The following KLHDC7B variants were observed in gnomAD, a reference collection of about 807,000 sequenced individuals.
KLHDC7B encodes kelch domain-containing protein 7B.
KLHDC7B carries 1 observed loss-of-function variant against 0.6 expected under a neutral mutation model. The observed-to-expected ratio is 1.71, with a 90% CI of 0.61 to 8.11. The LOEUF (loss-of-function observed/expected upper bound fraction) is 8.11, where lower values mean the gene tolerates loss of function less well. Ranked by LOEUF, KLHDC7B falls within the 30% of genes most tolerant of loss-of-function variation. The pLI is 0.13. For missense variants in KLHDC7B, 993 were observed against 894.9 expected (o/e 1.11, Z -1.40); for synonymous variants, 462 against 405.2 (o/e 1.14, Z -1.68).
chr22:50,549,754 G>GCCCCCCCCCC lies in KLHDC7B; in HGVS notation c.1592_1593insCCCCCCCCCC (p.Leu532ProfsTer59). On this transcript the variant is annotated frameshift_variant, in exon 1 of 1. Transcript: ENST00000395676. LOFTEE classifies it low-confidence loss of function (END_TRUNC). ...TGCCTCCCTGCCCCTGCCCGCCCCCGCCCCACTGCACTGCACCACCCTGGG... is the reference window on the plus strand; with the variant it reads ...TGCCTCCCTGCCCCTGCCCGCCCCCGCCCCCCCCCCCCCCACTGCACTGCACCACCCTGGG... 9.2e-7 allele frequency: 1 copy of GCCCCCCCCCC among 1,087,076 alleles called. No individual in the cohort carries two copies. Among genetic ancestry groups the GCCCCCCCCCC allele is most frequent in the Admixed American group, 2.4e-5 (1 of 41,190 alleles). 67.3% of individuals were successfully genotyped at this position (1,087,076 alleles called of 1,614,324 possible). A position where few individuals can be genotyped will look rare whatever the true frequency, so the allele number is the denominator to read the frequency against.
rs1457783089 is a variant in KLHDC7B at position 50,549,421 on chromosome 22, G to T, written c.1255G>T (p.Glu419Ter). 1.2e-6 allele frequency: 2 copies of T among 1,612,774 alleles called. No individual in the cohort carries two copies. The highest frequency in any genetic ancestry group is 1.1e-5 in the South Asian group (1 of 91,082). ...CGGTGGCGAATGCCTGTACAGCATG[G>T]AGTGCTACGACCCGCGAACAGACGC... is the stretch of plus-strand genomic sequence containing the variant. The change falls in exon 1 of 1, where the codon GAG (glutamate) becomes TAG (stop). Residue 419 changes from glutamate to a stop codon, truncating the protein, a stop_gained. Transcript: ENST00000395676. LOFTEE classifies it low-confidence loss of function (END_TRUNC).
rs965680489 is a variant in KLHDC7B at position 50,546,364 on chromosome 22, C to T, written c.121C>T (p.Leu41=). The change falls in exon 1 of 1, where the codon CTG becomes TTG. Residue 41 remains leucine (L), a synonymous_variant. Coordinates refer to ENST00000648057, the MANE Select transcript of KLHDC7B (RefSeq NM_138433.5). ...GCTGGCTGTGGTGGCTGCCACAGCG[C>T]TGGCCTTACACTGGTTTGGCTCCGG... ...LALAVVAATA[L]ALHWFGSGHD... is the part of the protein sequence containing the mutation. 2.5e-6 allele frequency: 1 copy of T among 399,452 alleles called. No homozygotes were observed. Among genetic ancestry groups the T allele is most frequent in the Non-Finnish European group, 4.4e-6 (1 of 226,540 alleles). The allele number at this position is 399,452 out of a possible 1,614,324, so 24.7% of individuals were successfully genotyped here.
In KLHDC7B at chr22:50,549,695, G is replaced by A. The variant is rs868316565; in HGVS notation, c.3452G>A (p.Arg1151His). ...LLRGVGAAVM[R>H]YNTVTGSWSR... ...CGGGGCGTGGGCGCCGCCGTGATGCGCTACAACACAGTGACCGGCTCCTGG... is the reference window on the plus strand; with the variant it reads ...CGGGGCGTGGGCGCCGCCGTGATGCACTACAACACAGTGACCGGCTCCTGG... Residue 1151 changes from arginine (R) to histidine (H), a missense_variant, in exon 1 of 1, where the codon CGC (arginine) becomes CAC (histidine). Transcript: ENST00000648057. The A allele has an allele frequency of 1.9e-6, 3 of 1,568,110 alleles. No individual in the cohort carries two copies. The highest frequency in any genetic ancestry group is 1.7e-4 in the Middle Eastern group (1 of 5,858).
Position 50,548,144 on chromosome 22 carries a change from C to G in KLHDC7B, c.1901C>G (p.Ala634Gly). The change falls in exon 1 of 1, where the codon GCC becomes GGC. Residue 634 changes from alanine (A) to glycine (G), a missense_variant. Coordinates refer to ENST00000648057, the MANE Select transcript of KLHDC7B (RefSeq NM_138433.5). The surrounding 1 kb of genome is among the most constrained non-coding windows in gnomAD (Gnocchi z 5.3). ...PRRYQEGQVS[A>G]SWGNLIAMVL... ...CGCTACCAGGAGGGGCAGGTCTCAG[C>G]CAGCTGGGGAAACCTTATTGCCATG... 4 of 1,477,612 alleles carry G rather than the reference C, an allele frequency of 2.7e-6. No individual in the cohort carries two copies. Among genetic ancestry groups the G allele is most frequent in the Non-Finnish European group, 3.6e-6 (4 of 1,110,134 alleles). 91.5% of individuals were successfully genotyped at this position (1,477,612 alleles called of 1,614,324 possible).
At position 50,550,820 on chromosome 22, in the gene KLHDC7B, C is replaced by G; in HGVS notation, c.*869C>G. The stretch of plus-strand genomic sequence containing the variant: ...GACAAGATCACAGCTATGAGCACCT[C>G]GCACGGTGTCCAGGATGCACAGCAC... On this transcript the variant is annotated 3_prime_UTR_variant, in exon 1 of 1. Coordinates refer to ENST00000648057, the MANE Select transcript of KLHDC7B (RefSeq NM_138433.5). 5.5e-6 allele frequency: 1 copy of G among 180,410 alleles called. No individual in the cohort carries two copies. Among genetic ancestry groups the G allele is most frequent in the Non-Finnish European group, 1.3e-5 (1 of 75,414 alleles). 11.2% of individuals were successfully genotyped at this position (180,410 alleles called of 1,614,324 possible). A position where few individuals can be genotyped will look rare whatever the true frequency, so the allele number is the denominator to read the frequency against.
chr22:50,548,695 G>A lies in KLHDC7B; in HGVS notation c.2452G>A (p.Glu818Lys), dbSNP rs1171735811. ...CAGCGGGGCGCTCACGGAAAAGCAGGAGGAGGCCCGGAAGCTCATGGTGTT... is the reference window on the plus strand; with the variant it reads ...CAGCGGGGCGCTCACGGAAAAGCAGAAGGAGGCCCGGAAGCTCATGGTGTT... ...GRSGALTEKQ[E>K]EARKLMVFLQ... Residue 818 changes from glutamate (E) to lysine (K), a missense_variant, in exon 1 of 1, where the codon GAG becomes AAG. Glu to Lys is a moderately conservative substitution (Grantham distance 56). Coordinates refer to ENST00000648057, the MANE Select transcript of KLHDC7B (RefSeq NM_138433.5). This position sits in a 1 kb window ranked among gnomAD's most constrained non-coding sequence, Gnocchi z 5.3. 6.6e-7 allele frequency: 1 copy of A among 1,519,848 alleles called. No individual in the cohort carries two copies. The highest frequency in any genetic ancestry group is 8.8e-7 in the Non-Finnish European group (1 of 1,134,486). The allele number at this position is 1,519,848 out of a possible 1,614,324, so 94.1% of individuals were successfully genotyped here. A position where few individuals can be genotyped will look rare whatever the true frequency, so the allele number is the denominator to read the frequency against.
In KLHDC7B at chr22:50,549,211, C is replaced by G. The variant is rs764870784; in HGVS notation, c.2968C>G (p.Leu990Val). Residue 990 changes from leucine to valine, a missense_variant, in exon 1 of 1, where the codon CTC becomes GTC. Coordinates refer to ENST00000648057, the MANE Select transcript of KLHDC7B (RefSeq NM_138433.5). ...PEEAPLRGCG[L>V]CTMHNYLFLA... is the part of the protein sequence containing the mutation. ...GGAGGCCCCGCTTCGGGGCTGCGGT[C>G]TCTGCACCATGCACAACTACCTGTT... 4.4e-6 allele frequency: 7 copies of G among 1,607,764 alleles called. No homozygotes were observed. Among genetic ancestry groups the G allele is most frequent in the Non-Finnish European group, 5.1e-6 (6 of 1,179,906 alleles).
chr22:50,550,131 C>A lies in KLHDC7B; in HGVS notation c.*180C>A. The A allele has an allele frequency of 3.2e-6, 2 of 622,750 alleles. No homozygotes were observed. Among genetic ancestry groups the A allele is most frequent in the African/African-American group, 1.9e-5 (1 of 53,750 alleles). 38.6% of individuals were successfully genotyped at this position (622,750 alleles called of 1,614,324 possible). ...TATTTTGAAGCCCAGACTCCCTCAG[C>A]CTCTTTCTGCCCCTCACTCCACACC... On this transcript the variant is annotated 3_prime_UTR_variant, in exon 1 of 1. Coordinates refer to ENST00000648057, the MANE Select transcript of KLHDC7B (RefSeq NM_138433.5).
rs368213226 is a variant in KLHDC7B at position 50,548,994 on chromosome 22, C to T, written c.2751C>T (p.Thr917=). The T allele has an allele frequency of 3.8e-6, 6 of 1,595,974 alleles. No homozygotes were observed. In the African/African-American group the frequency reaches 4.0e-5, roughly 11 times the overall value. ...GCGAGCGCATCCTCAGCCTGCGGACCGGCCGGGGCCGGGCGGTGCTGGGCG... is the reference window on the plus strand; with the variant it reads ...GCGAGCGCATCCTCAGCCTGCGGACTGGCCGGGGCCGGGCGGTGCTGGGCG... ...ADRERILSLR[T]GRGRAVLGVL... The change falls in exon 1 of 1, where the codon ACC becomes ACT. Residue 917 remains threonine (T), a synonymous_variant. Transcript: ENST00000648057. The surrounding 1 kb of genome is among the most constrained non-coding windows in gnomAD (Gnocchi z 5.3).
Position 50,548,204 on chromosome 22 carries a change from G to T in KLHDC7B, c.1961G>T (p.Arg654Met). Residue 654 changes from arginine (R) to methionine (M), a missense_variant, in exon 1 of 1, where the codon AGG becomes ATG. Coordinates refer to ENST00000648057, the MANE Select transcript of KLHDC7B (RefSeq NM_138433.5). This position sits in a 1 kb window ranked among gnomAD's most constrained non-coding sequence, Gnocchi z 5.3. Reference sequence around the variant, plus strand: ...AGCCACCCCTTCCCCAGGCAAGACAGGCCCCAAGGGAGTGTCCCGAGGGCG... The same window carrying T: ...AGCCACCCCTTCCCCAGGCAAGACATGCCCCAAGGGAGTGTCCCGAGGGCG... The part of the protein sequence containing the change: ...LRSHPFPRQD[R>M]PQGSVPRAVP... 6.5e-7 allele frequency: 1 copy of T among 1,538,168 alleles called. No individual in the cohort carries two copies. Among genetic ancestry groups the T allele is most frequent in the Non-Finnish European group, 8.8e-7 (1 of 1,137,736 alleles).
chr22:50,548,066 C>T lies in KLHDC7B; in HGVS notation c.1823C>T (p.Ser608Phe). The T allele has an allele frequency of 9.5e-7, 1 of 1,055,582 alleles. No homozygotes were observed. Among genetic ancestry groups the T allele is most frequent in the African/African-American group, 1.7e-5 (1 of 59,718 alleles). 65.4% of individuals were successfully genotyped at this position (1,055,582 alleles called of 1,614,324 possible). A position where few individuals can be genotyped will look rare whatever the true frequency, so the allele number is the denominator to read the frequency against. The change falls in exon 1 of 1, where the codon TCC (serine) becomes TTC (phenylalanine). Residue 608 changes from serine (S) to phenylalanine (F), a missense_variant. Coordinates refer to ENST00000648057, the MANE Select transcript of KLHDC7B (RefSeq NM_138433.5). The surrounding 1 kb of genome is among the most constrained non-coding windows in gnomAD (Gnocchi z 5.3). ...GCCCCAACCCCAACCCCAGCCGCAT[C>T]CCCTGCCCCAGCTGACGGGTCAAAG... ...TSAPTPTPAA[S>F]PAPADGSKPQ...
In KLHDC7B at chr22:50,549,046, G is replaced by C; in HGVS notation, c.2803G>C (p.Gly935Arg). 1 of 1,596,982 alleles carries C rather than the reference G, an allele frequency of 6.3e-7. No individual in the cohort carries two copies. The highest frequency in any genetic ancestry group is 8.5e-7 in the Non-Finnish European group (1 of 1,177,596). Residue 935 changes from glycine to arginine, a missense_variant, in exon 1 of 1, where the codon GGG (glycine) becomes CGG (arginine). Physicochemically the swap from Gly to Arg is moderately radical, Grantham distance 125 (BLOSUM62 -2). Transcript: ENST00000648057. ...GVLVLPSLYQ[G>R]GRSGLPRGPR... is the part of the protein sequence containing the mutation. ...CCTCGTACTGCCCAGCCTCTACCAG[G>C]GGGGCCGCTCAGGGCTCCCCAGGGG... is the stretch of plus-strand genomic sequence containing the variant.
At position 50,549,065 on chromosome 22, in the gene KLHDC7B, C is replaced by G; in HGVS notation, c.2822C>G (p.Pro941Arg). 1 of 1,599,558 alleles carries G rather than the reference C, an allele frequency of 6.3e-7. No homozygotes were observed. Among genetic ancestry groups the G allele is most frequent in the East Asian group, 2.2e-5 (1 of 44,846 alleles). The change falls in exon 1 of 1, where the codon CCC becomes CGC. Residue 941 changes from proline (P) to arginine (R), a missense_variant. Transcript: ENST00000648057. ...SLYQGGRSGL[P>R]RGPRGEEPPA... is the part of the protein sequence containing the mutation. Reference sequence around the variant, plus strand: ...TACCAGGGGGGCCGCTCAGGGCTCCCCAGGGGCCCTCGTGGCGAGGAGCCT... The same window carrying G: ...TACCAGGGGGGCCGCTCAGGGCTCCGCAGGGGCCCTCGTGGCGAGGAGCCT...
At position 50,546,655 on chromosome 22, in the gene KLHDC7B, C is replaced by G. The variant is rs1285473754; in HGVS notation, c.412C>G (p.Gln138Glu). The change falls in exon 1 of 1, where the codon CAG becomes GAG. Residue 138 changes from glutamine (Q) to glutamate (E), a missense_variant. Physicochemically the swap from Gln to Glu is conservative, Grantham distance 29. Transcript: ENST00000648057. ...GGAGGCCCGCAGAGAGGCATTAGGA[C>G]AGCAACGGGGCAGTGCCACCCCCGC... ...VEEARREALG[Q>E]QRGSATPAAP... is the part of the protein sequence containing the mutation. Among the ~76,000 whole-genome samples the G allele has an allele frequency of 6.6e-6, 1 of 152,174 alleles. No individual in the cohort carries two copies. Among genetic ancestry groups the G allele is most frequent in the Non-Finnish European group, 1.5e-5 (1 of 68,008 alleles).
rs757758175 is a variant in KLHDC7B, at chr22:50,549,194, C to G, written c.2951C>G (p.Pro984Arg). 1 of 1,606,376 alleles carries G rather than the reference C, an allele frequency of 6.2e-7. No individual in the cohort carries two copies. Among genetic ancestry groups the G allele is most frequent in the Non-Finnish European group, 8.5e-7 (1 of 1,179,736 alleles). ...CTGACCCAGGTGCCCGAGGAGGCCC[C>G]GCTTCGGGGCTGCGGTCTCTGCACC... Reference protein sequence around the residue: ...RPLTQVPEEAPLRGCGLCTMH... With the variant: ...RPLTQVPEEARLRGCGLCTMH... The change falls in exon 1 of 1, where the codon CCG becomes CGG. Residue 984 changes from proline to arginine, a missense_variant. Physicochemically the swap from Pro to Arg is moderately radical, Grantham distance 103. Coordinates refer to ENST00000648057, the MANE Select transcript of KLHDC7B (RefSeq NM_138433.5).
chr22:50,547,297 A>T lies in KLHDC7B; in HGVS notation c.1054A>T (p.Ser352Cys), dbSNP rs1017520086. The change falls in exon 1 of 1, where the codon AGT becomes TGT. Residue 352 changes from serine to cysteine, a missense_variant. Physicochemically the swap from Ser to Cys is moderately radical, Grantham distance 112. Transcript: ENST00000648057. Reference protein sequence around the residue: ...APDSTRPWLESPPQGRPLSSQ... With the variant: ...APDSTRPWLECPPQGRPLSSQ... ...AGACTCCACGCGCCCCTGGCTAGAG[A>T]GTCCGCCTCAAGGTCGCCCACTCTC... 6.6e-5 allele frequency among the ~76,000 whole-genome samples: 10 copies of T among 151,546 alleles called. No individual in the cohort carries two copies. Among genetic ancestry groups the T allele is most frequent in the Non-Finnish European group, 1.5e-4 (10 of 67,814 alleles).
Position 50,548,330 on chromosome 22 carries a change from G to A in KLHDC7B, c.2087G>A (p.Gly696Asp). 6.4e-7 allele frequency: 1 copy of A among 1,551,048 alleles called. No individual in the cohort carries two copies. The highest frequency in any genetic ancestry group is 8.7e-7 in the Non-Finnish European group (1 of 1,146,968). Reference protein sequence around the residue: ...VGTVIGTGTGGLVEAGGQPQP... With the variant: ...VGTVIGTGTGDLVEAGGQPQP... ...ACAGTCATAGGGACAGGTACAGGGG[G>A]CCTGGTTGAGGCTGGAGGTCAGCCA... Residue 696 changes from glycine (G) to aspartate (D), a missense_variant, in exon 1 of 1, where the codon GGC becomes GAC. Transcript: ENST00000648057. This position sits in a 1 kb window ranked among gnomAD's most constrained non-coding sequence, Gnocchi z 5.3.
Position 50,549,134 on chromosome 22 carries a change from A to C in KLHDC7B, c.2891A>C (p.His964Pro). Residue 964 changes from histidine (H) to proline (P), a missense_variant, in exon 1 of 1, where the codon CAT becomes CCT. By Grantham distance (77) the His-to-Pro change is moderately conservative (BLOSUM62 -2). Coordinates refer to ENST00000648057, the MANE Select transcript of KLHDC7B (RefSeq NM_138433.5). ...TCCCTGCCTCTACCTGCGCACCTGC[A>C]TGTGTTCAACCCCCGGGAGAACACC... is the stretch of plus-strand genomic sequence containing the variant. Reference protein sequence around the residue: ...PVSLPLPAHLHVFNPRENTWR... With the variant: ...PVSLPLPAHLPVFNPRENTWR... The C allele has an allele frequency of 6.2e-7, 1 of 1,603,166 alleles. No individual in the cohort carries two copies. The highest frequency in any genetic ancestry group is 8.5e-7 in the Non-Finnish European group (1 of 1,179,778).
chr22:50,549,964 G>T lies in KLHDC7B; in HGVS notation c.*13G>T. On this transcript the variant is annotated 3_prime_UTR_variant, in exon 1 of 1. Transcript: ENST00000648057. ...GACCTCACTCTGAGTGGCAGGCAGA[G>T]AACCAAAGCTGCTTCGCTGCTCTCC... 1 of 1,526,514 alleles carries T rather than the reference G, an allele frequency of 6.6e-7. No homozygotes were observed. The highest frequency in any genetic ancestry group is 8.9e-7 in the Non-Finnish European group (1 of 1,129,712). 94.6% of individuals were successfully genotyped at this position (1,526,514 alleles called of 1,614,324 possible). A position where few individuals can be genotyped will look rare whatever the true frequency, so the allele number is the denominator to read the frequency against.
Sources: allele counts gnomAD v4.1 joint callset (sites outside exome capture counted in the v4.1 genomes callset), GRCh38; gene constraint gnomAD v4.1.1; non-coding constraint Gnocchi (gnomAD v3.1); transcripts MANE v1.5; gene names NCBI Gene and HGNC (gene_info 2026-07-23, HGNC 2026-07-21).